Variants in NPAS3 observed in about 807,000 individuals in gnomAD.
The protein encoded by NPAS3 is neuronal PAS domain protein 3.
Under a neutral mutation model 73.1 loss-of-function variants are expected in NPAS3, and 14 were observed. The observed-to-expected ratio is 0.19, with a 90% CI of 0.13 to 0.30. The LOEUF (loss-of-function observed/expected upper bound fraction) is 0.30, where lower values mean the gene tolerates loss of function less well. NPAS3 is among the 10% of genes least tolerant of loss of function. The probability of loss-of-function intolerance (pLI) is 1.00; values close to 1 mark genes in which losing one functional copy is unlikely to be tolerated. For missense variants in NPAS3, 1,096 were observed against 1,250.0 expected (o/e 0.88, Z 1.86); for synonymous variants, 620 against 541.5 (o/e 1.14, Z -2.01).
chr14:33,794,572 G>A (rs2063456767), intron 10 of NPAS3, among the ~76,000 whole-genome samples: 2 of 151,134 alleles, frequency 1.3e-5, no homozygotes, highest in African/African-American at 4.9e-5. Flanking sequence ...GAGTTGCTTT[G>A]CCGGAATCAA....
intron 5 of NPAS3, among the ~76,000 whole-genome samples, chr14:33,614,206 T>C (rs1203960541): frequency 6.6e-6 from 1 of 152,166 alleles, no homozygotes; most frequent in Non-Finnish European, 1.5e-5. Flanking sequence ...CTTGATTTGA[T>C]TGAAGGGTAG....
At chr14:33,607,770 T>C (rs1239476929) in intron 5 of NPAS3, among the ~76,000 whole-genome samples, 1 of 151,928 alleles carries the variant, frequency 6.6e-6, no homozygotes, top group Admixed American at 6.6e-5. Context: ...AGGAAAGAGG[T>C]TCAAGTGACT....
At chr14:33,081,252 G>C (rs986292276) in intron 2 of NPAS3, among the ~76,000 whole-genome samples, 11 of 152,048 alleles carry the variant, frequency 7.2e-5, no homozygotes, top group Admixed American at 6.5e-4. Context: ...CTCTGCAAAT[G>C]GTAGATGAGA....
intron 6 of NPAS3, among the ~76,000 whole-genome samples, chr14:33,704,776 C>A (rs1271219137): frequency 6.6e-6 from 1 of 152,146 alleles, no homozygotes; most frequent in African/African-American, 2.4e-5. Context: ...TGACGTGCAC[C>A]AAGGCTAATA....
chr14:33,246,310 CG>C (rs2048372272), intron 3 of NPAS3, among the ~76,000 whole-genome samples: 1 of 151,962 alleles, frequency 6.6e-6, no homozygotes, highest in Admixed American at 6.6e-5. Flanking sequence ...GAGGCCGAGG[CG>C]GGCGGATCAC....
chr14:33,204,054 C>T (rs2046728105), intron 2 of NPAS3, among the ~76,000 whole-genome samples: 3 of 152,108 alleles, frequency 2.0e-5, no homozygotes, highest in Non-Finnish European at 2.9e-5. Context: ...TTTTGATTTG[C>T]GTTTCTCTGA....
intron 3 of NPAS3, among the ~76,000 whole-genome samples, chr14:33,346,597 C>G (rs903471953): frequency 4.6e-5 from 7 of 151,472 alleles, no homozygotes; most frequent in African/African-American, 1.5e-4. Context: ...GATCTTTGCC[C>G]TCAAGAAAAT....
At chr14:33,089,815 C>T (rs952681076) in intron 2 of NPAS3, among the ~76,000 whole-genome samples, 1 of 152,178 alleles carries the variant, frequency 6.6e-6, no homozygotes, top group Non-Finnish European at 1.5e-5. Context: ...AGAAACTCTA[C>T]AAGCCAGAAG....
chr14:32,934,967 C>G, upstream of NPAS3: 2 of 1,316,220 alleles, frequency 1.5e-6, no homozygotes, highest in Non-Finnish European at 2.0e-6. The surrounding 1 kb of genome is among the most constrained non-coding windows in gnomAD (Gnocchi z 4.1). Flanking sequence ...AACGGCACCC[C>G]GCAGAACGTC....
chr14:33,481,045 ACTTCTCTGGCT>A (rs532199180), intron 4 of NPAS3, among the ~76,000 whole-genome samples: 49 of 152,186 alleles, frequency 3.2e-4, no homozygotes, highest in African/African-American at 1.2e-3. Context: ...AAGCTATGGG[ACTTCTCTGGCT>A]AATGCTGCCT....
chr14:33,207,145 T>G (rs922755358), intron 2 of NPAS3, among the ~76,000 whole-genome samples: 20 of 152,106 alleles, frequency 1.3e-4, no homozygotes, highest in Non-Finnish European at 2.4e-4. Flanking sequence ...AATTGGAGCC[T>G]GCAACCCAGA....
intron 5 of NPAS3, among the ~76,000 whole-genome samples, chr14:33,621,574 A>G (rs2058076077): frequency 6.6e-6 from 1 of 152,196 alleles, no homozygotes; most frequent in Non-Finnish European, 1.5e-5. Context: ...TTTTATATAA[A>G]TAGCTAGTAA....
At chr14:33,399,465 A>T (rs1020145094) in intron 4 of NPAS3, among the ~76,000 whole-genome samples, 44 of 152,104 alleles carry the variant, frequency 2.9e-4, no homozygotes, top group African/African-American at 1.0e-3. Context: ...TCAAAGAGAC[A>T]TATGTTTCAA....
intron 3 of NPAS3, among the ~76,000 whole-genome samples, chr14:33,253,136 C>T (rs2139905396): frequency 6.6e-6 from 1 of 152,044 alleles, no homozygotes; most frequent in Non-Finnish European, 1.5e-5. Context: ...TGGTAGATAC[C>T]CAGTAGTGGA....
intron 4 of NPAS3, among the ~76,000 whole-genome samples, chr14:33,503,645 T>C (rs1234894577): frequency 1.3e-5 from 2 of 151,922 alleles, no homozygotes; most frequent in African/African-American, 4.8e-5. Context: ...TTGAGCCTCA[T>C]TAAAAATGTA....
chr14:33,587,633 T>G (rs1362720668), intron 5 of NPAS3, among the ~76,000 whole-genome samples: 5 of 152,342 alleles, frequency 3.3e-5, no homozygotes, highest in Non-Finnish European at 7.3e-5. Context: ...AAACTCTGGT[T>G]TATTGTGAAC....
At chr14:33,127,583 C>G (rs2043477311) in intron 2 of NPAS3, among the ~76,000 whole-genome samples, 2 of 152,058 alleles carry the variant, frequency 1.3e-5, no homozygotes, top group Admixed American at 1.3e-4. Flanking sequence ...TCCCTGCTCC[C>G]TTATAGAAGG....
chr14:33,523,654 C>T (rs1158709745), intron 4 of NPAS3, among the ~76,000 whole-genome samples: 1 of 151,618 alleles, frequency 6.6e-6, no homozygotes, highest in Non-Finnish European at 1.5e-5. Flanking sequence ...GTGGCAGGCA[C>T]CTGTAATCCC....
intron 4 of NPAS3, among the ~76,000 whole-genome samples, chr14:33,447,660 T>C (rs1047668469): frequency 1.3e-5 from 2 of 152,170 alleles, no homozygotes; most frequent in Admixed American, 6.5e-5. Context: ...ATACCTGTAA[T>C]GCCAGTGCTG....
Sources: gnomAD v4.1 joint callset for allele counts (sites outside exome capture counted in the v4.1 genomes callset) on GRCh38, gnomAD v4.1.1 for gene constraint, Gnocchi (gnomAD v3.1) non-coding constraint, MANE v1.5 for transcripts, NCBI Gene and HGNC (gene_info 2026-07-23, HGNC 2026-07-21) for gene names.